Variants in CAND2 observed in about 807,000 individuals in gnomAD.
The protein encoded by CAND2 is cullin associated and neddylation dissociated 2 (putative), also known as cullin-associated NEDD8-dissociated protein 2.
A neutral mutation model predicts 98.9 loss-of-function variants in CAND2; 62 were observed. The ratio of observed to expected loss-of-function variants is 0.63; its 90% CI spans 0.51 to 0.77. The LOEUF is 0.77. CAND2 is among the 30% of genes least tolerant of loss of function. The pLI is 0.00. For synonymous variants in CAND2, 770 were observed against 731.9 expected (o/e 1.05, Z -0.84); for missense variants, 1,501 against 1,655.2 (o/e 0.91, Z 1.62).
chr3:12,801,717 C>A (rs956320543), intron 1 of CAND2, among the ~76,000 whole-genome samples: 8 of 152,220 alleles, frequency 5.3e-5, no homozygotes, highest in Non-Finnish European at 1.2e-4. Flanking sequence ...ATGCCCATGC[C>A]CATCAGCATG....
intron 7 of CAND2, 24 bp downstream of exon 7, chr3:12,813,412 G>A (rs1045647490): frequency 1.2e-6 from 2 of 1,605,798 alleles, no homozygotes; most frequent in South Asian, 2.2e-5. Flanking sequence ...CCATCATTGG[G>A]GTTGGAGGGT....
chr3:12,831,347 C>G (rs190415162), intron 13 of CAND2, 118 bp from the exon 14 acceptor site: 11 of 759,872 alleles, frequency 1.4e-5, no homozygotes, highest in African/African-American at 1.2e-4. Context: ...CAGGACTTCA[C>G]GGTGGTCTGA....
chr3:12,832,194 A>G (rs1317100224), intron 14 of CAND2: 1 of 152,270 alleles, frequency 6.6e-6, no homozygotes, highest in Non-Finnish European at 1.5e-5. Flanking sequence ...AGATACCCAT[A>G]AAGTGGTGAT....
chr3:12,833,908 C>T lies in CAND2; in HGVS notation c.3637C>T (p.Leu1213Phe), dbSNP rs1332417054. ...TTCCCAAATCAGATCCAACCCTGAA[C>T]TTGCTGCCCTCTTTGAAAGCATCCA... ...FSSQIRSNPE[L>F]AALFESIQKD... is the part of the protein sequence containing the mutation. Residue 1213 changes from leucine (L) to phenylalanine (F), a missense_variant, in exon 15 of 15, where the codon CTT becomes TTT. Leu to Phe is a conservative substitution (Grantham distance 22). This residue lies in a region of CAND2 where 1,427 missense variants were observed against 1,545.3 expected (regional missense o/e 0.92). Transcript: ENST00000456430. 6.2e-7 allele frequency: 1 copy of T among 1,614,236 alleles called. No individual in the cohort carries two copies. Among genetic ancestry groups the T allele is most frequent in the East Asian group, 2.2e-5 (1 of 44,892 alleles).
intron 13 of CAND2, among the ~76,000 whole-genome samples, chr3:12,828,912 T>G (rs1226673497): frequency 1.3e-5 from 2 of 152,210 alleles, no homozygotes; most frequent in Non-Finnish European, 2.9e-5. Context: ...TTCCCAGTGT[T>G]GTATGTACAG....
At position 12,816,956 on chromosome 3, in the gene CAND2, C is replaced by T. The variant is rs373381276; in HGVS notation, c.2024C>T (p.Ala675Val). The part of the protein sequence containing the change: ...QRALRLATLA[A>V]LDALAQSQGL... ...GCTTTGCGACTGGCCACACTGGCAGCCCTGGACGCCCTGGCCCAGAGCCAG... is the reference window on the plus strand; with the variant it reads ...GCTTTGCGACTGGCCACACTGGCAGTCCTGGACGCCCTGGCCCAGAGCCAG... Residue 675 changes from alanine to valine, a missense_variant, in exon 10 of 15, where the codon GCC becomes GTC. Ala to Val is a moderately conservative substitution (Grantham distance 64). Transcript: ENST00000456430. The T allele has an allele frequency of 1.9e-6, 3 of 1,613,074 alleles. No individual in the cohort carries two copies. The highest frequency in any genetic ancestry group is 1.7e-6 in the Non-Finnish European group (2 of 1,179,896).
chr3:12,826,193 C>A (rs1476865183), intron 12 of CAND2, among the ~76,000 whole-genome samples: 1 of 152,200 alleles, frequency 6.6e-6, no homozygotes, highest in South Asian at 2.1e-4. Context: ...AGCCAACTTA[C>A]AATGGACCTA....
At chr3:12,798,015 G>C (rs138196028) in intron 1 of CAND2, among the ~76,000 whole-genome samples, 1 of 152,098 alleles carries the variant, frequency 6.6e-6, no homozygotes, top group African/African-American at 2.4e-5. Flanking sequence ...CTCACTGGCC[G>C]TGTGACCATG....
chr3:12,813,609 C>T (rs1303545223), intron 7 of CAND2, among the ~76,000 whole-genome samples: 1 of 152,132 alleles, frequency 6.6e-6, no homozygotes, highest in Non-Finnish European at 1.5e-5. Flanking sequence ...TCACAATAAC[C>T]CTAAAAAAAC....
At chr3:12,800,500 T>C (rs2061757775) in intron 1 of CAND2, among the ~76,000 whole-genome samples, 1 of 152,150 alleles carries the variant, frequency 6.6e-6, no homozygotes, top group African/African-American at 2.4e-5. Context: ...GAGGCAGCCT[T>C]ACAGTATCTC....
Position 12,813,266 on chromosome 3 carries a change from C to T in CAND2, c.884C>T (p.Pro295Leu), listed in dbSNP as rs1186408210. 3 of 1,613,540 alleles carry T rather than the reference C, an allele frequency of 1.9e-6. No individual in the cohort carries two copies. The highest frequency in any genetic ancestry group is 2.2e-5 in the East Asian group (1 of 44,886). The change falls in exon 7 of 15, where the codon CCT (proline) becomes CTT (leucine). Residue 295 changes from proline to leucine, a missense_variant. Physicochemically the swap from Pro to Leu is moderately conservative, Grantham distance 98. Around this residue, in one of 3 missense-constraint regions of CAND2, gnomAD observed 1,427 missense variants for 1,545.3 expected, o/e 0.92. Coordinates refer to ENST00000456430, the MANE Select transcript of CAND2 (RefSeq NM_001162499.2). ...FLRKCPKEMG[P>L]HVPNVTSLCL... ...CACAGGTGCCCCAAGGAAATGGGTC[C>T]TCACGTGCCCAACGTGACCAGCCTC... is the stretch of plus-strand genomic sequence containing the variant.
At chr3:12,809,831 A>C in intron 4 of CAND2, 2 of 467,952 alleles carry the variant, frequency 4.3e-6, no homozygotes, top group Non-Finnish European at 3.7e-6. Context: ...CTAGGCTGGG[A>C]GCCAGGCTTT....
At chr3:12,820,364 G>A (rs1178475753) in intron 11 of CAND2, among the ~76,000 whole-genome samples, 183 bp downstream of exon 11, 2 of 152,212 alleles carry the variant, frequency 1.3e-5, no homozygotes, top group Admixed American at 1.3e-4. Context: ...CCTTCCTACT[G>A]CCACTCAATC....
chr3:12,820,660 G>T (rs566329680), intron 11 of CAND2, among the ~76,000 whole-genome samples: 1 of 152,326 alleles, frequency 6.6e-6, no homozygotes, highest in South Asian at 2.1e-4. Context: ...CTTCTGGCCT[G>T]AGGAGCCCAA....
chr3:12,825,675 G>A (rs983385825), intron 12 of CAND2, 36 bp downstream of exon 12: 1 of 1,565,770 alleles, frequency 6.4e-7, no homozygotes. Flanking sequence ...GGGAAGCTGG[G>A]GGTGATGCCA....
Position 12,816,796 on chromosome 3 carries a change from C to A in CAND2, c.1864C>A (p.Arg622=), listed in dbSNP as rs1255033683. ...PTLLLLLDRL[R]NEITRLPAIK... Reference sequence around the variant, plus strand: ...GTTACTGCTCCTCCTGGACCGCCTGCGGAATGAGATCACCCGGCTGCCCGC... The same window carrying A: ...GTTACTGCTCCTCCTGGACCGCCTGAGGAATGAGATCACCCGGCTGCCCGC... The change falls in exon 10 of 15, where the codon CGG becomes AGG. Residue 622 remains arginine, a synonymous_variant. Transcript: ENST00000456430. 6.2e-7 allele frequency: 1 copy of A among 1,613,606 alleles called. No individual in the cohort carries two copies. Among genetic ancestry groups the A allele is most frequent in the South Asian group, 1.1e-5 (1 of 91,086 alleles).
At position 12,816,913 on chromosome 3, in the gene CAND2, C is replaced by A; in HGVS notation, c.1981C>A (p.Leu661Met). The A allele has an allele frequency of 6.2e-7, 1 of 1,613,848 alleles. No individual in the cohort carries two copies. The highest frequency in any genetic ancestry group is 1.3e-5 in the African/African-American group (1 of 75,062). ...GGCACTGCACATTCTGGCCTCATTC[C>A]TGCGGAAGAACCAGCGGGCTTTGCG... ...AEALHILASF[L>M]RKNQRALRLA... The change falls in exon 10 of 15, where the codon CTG becomes ATG. Residue 661 changes from leucine (L) to methionine (M), a missense_variant. Around this residue, in one of 3 missense-constraint regions of CAND2, gnomAD observed 1,427 missense variants for 1,545.3 expected, o/e 0.92. Coordinates refer to ENST00000456430, the MANE Select transcript of CAND2 (RefSeq NM_001162499.2).
chr3:12,796,928 CCTCCCCACAGGCCCA>C (rs891034745), intron 1 of CAND2, 140 bp downstream of exon 1: 10 of 739,370 alleles, frequency 1.4e-5, no homozygotes, highest in Non-Finnish European at 2.1e-5. Flanking sequence ...AAGCTGCCCC[CCTCCCCACAGGCCCA>C]CTCCTGCCTC....
intron 1 of CAND2, among the ~76,000 whole-genome samples, chr3:12,802,589 A>G (rs2061774008): frequency 6.6e-6 from 1 of 152,216 alleles, no homozygotes; most frequent in African/African-American, 2.4e-5. Context: ...AACATTATGC[A>G]TTTAGCCAGC....
Sources: allele counts gnomAD v4.1 joint callset (sites outside exome capture counted in the v4.1 genomes callset), GRCh38; gene constraint gnomAD v4.1.1; regional missense constraint gnomAD v4.1.1; transcripts MANE v1.5; gene names NCBI Gene and HGNC (gene_info 2026-07-23, HGNC 2026-07-21).